CLIC6: variants seen among roughly 807,000 people sequenced by gnomAD.
CLIC6 encodes chloride intracellular channel protein 6.
A neutral mutation model predicts 49.2 loss-of-function variants in CLIC6; 39 were observed. That is an observed-to-expected ratio of 0.79 (90% CI 0.61 to 1.04). The LOEUF is 1.04. Ranked by LOEUF, CLIC6 falls within the 50% of genes least tolerant of loss-of-function variation. The pLI, the probability that CLIC6 is intolerant of heterozygous loss-of-function variation, is 0.00. For missense variants in CLIC6, 988 were observed against 993.1 expected, an observed-to-expected ratio of 0.99 and a Z score of 0.07; for synonymous variants, 446 against 433.4, an observed-to-expected ratio of 1.03 and a Z score of -0.36.
chr21:34,670,422 C>T lies in CLIC6; in HGVS notation c.1034C>T (p.Ala345Val). 3 of 1,459,550 alleles carry T rather than the reference C, an allele frequency of 2.1e-6. No individual in the cohort carries two copies. The highest frequency in any genetic ancestry group is 2.3e-4 in the Middle Eastern group (1 of 4,432). The allele number at this position is 1,459,550 out of a possible 1,614,324, so 90.4% of individuals were successfully genotyped here. A position where few individuals can be genotyped will look rare whatever the true frequency, so the allele number is the denominator to read the frequency against. Residue 345 changes from alanine (A) to valine (V), a missense_variant, in exon 1 of 6, where the codon GCG becomes GTG. Coordinates refer to ENST00000349499, the MANE Select transcript of CLIC6 (RefSeq NM_053277.3). ...CCGGGGGTAAAGGGGTCCGAAGAAG[C>T]GGCCCCCGGGGACGCAAGGGCAGAC... is the stretch of plus-strand genomic sequence containing the variant. ...EVPGVKGSEE[A>V]APGDARADAG...
chr21:34,676,583 CA>C (rs1406969582), intron 1 of CLIC6, among the ~76,000 whole-genome samples: 22 of 152,194 alleles, frequency 1.4e-4, no homozygotes, highest in Admixed American at 5.2e-4. Flanking sequence ...TGACACATAA[CA>C]GCCAGCCAGT....
chr21:34,710,348 C>T (rs1375157446), intron 5 of CLIC6, among the ~76,000 whole-genome samples: 1 of 152,172 alleles, frequency 6.6e-6, no homozygotes, highest in Non-Finnish European at 1.5e-5. Context: ...CAGGAAGCAG[C>T]TGGCAGCTTT....
In CLIC6 at chr21:34,670,644, A is replaced by T. The variant is rs1036792387; in HGVS notation, c.1256A>T (p.Glu419Val). 6.4e-7 allele frequency: 1 copy of T among 1,557,516 alleles called. No homozygotes were observed. The highest frequency in any genetic ancestry group is 8.7e-7 in the Non-Finnish European group (1 of 1,153,796). Residue 419 changes from glutamate (E) to valine (V), a missense_variant, in exon 1 of 6, where the codon GAG becomes GTG. By Grantham distance (121) the Glu-to-Val change is moderately radical (BLOSUM62 -2). Transcript: ENST00000349499. ...GCCCAGCTCAGCAACCACCTGGCCG[A>T]GGAGGGCCCCGCCGAGGGTAGCGGC... ...PEAQLSNHLA[E>V]EGPAEGSGEA...
intron 1 of CLIC6, among the ~76,000 whole-genome samples, chr21:34,688,586 C>T (rs1416246531): frequency 1.3e-5 from 2 of 152,208 alleles, no homozygotes; most frequent in African/African-American, 4.8e-5. Context: ...CATCTTGCGC[C>T]TAACCAAGAG....
In CLIC6 at chr21:34,694,929, G is replaced by T. The variant is rs190246071; in HGVS notation, c.1375-12351G>T. Among the ~76,000 whole-genome samples, 781 of 152,352 alleles carry T rather than the reference G, an allele frequency of 5.1e-3. 3 individuals carry two copies. The highest frequency in any genetic ancestry group is 7.1e-3 in the Non-Finnish European group (481 of 68,038). On this transcript the variant is annotated intron_variant, in intron 1 of 5. Transcript: ENST00000349499. Reference sequence around the variant, plus strand: ...GGGTTTCCTCCCTCTGCAAGTTGATGAGTAGTTGACCTGCTGAACTGTGCT... The same window carrying T: ...GGGTTTCCTCCCTCTGCAAGTTGATTAGTAGTTGACCTGCTGAACTGTGCT...
At chr21:34,704,703 G>A (rs112892552) in intron 1 of CLIC6, among the ~76,000 whole-genome samples, 1,550 of 152,322 alleles carry the variant, frequency 0.01, 29 homozygotes, top group African/African-American at 0.035. Flanking sequence ...TGAGTTGGCT[G>A]ACTAAGGCAG....
Position 34,679,685 on chromosome 21 carries a change from G to T in CLIC6, c.1374+8923G>T, listed in dbSNP as rs192625652. The stretch of plus-strand genomic sequence containing the variant: ...TTGGGTAAATACACCCACTCCAAGT[G>T]GGAGAAGTTGGCCAAAACAGAGGGG... On this transcript the variant is annotated intron_variant, in intron 1 of 5. Transcript: ENST00000349499. 7.9e-4 allele frequency among the ~76,000 whole-genome samples: 121 copies of T among 152,346 alleles called. 2 individuals carry two copies. Among genetic ancestry groups the T allele is most frequent in the African/African-American group, 2.6e-3 (109 of 41,566 alleles).
chr21:34,673,577 C>T (rs1989609801), intron 1 of CLIC6, among the ~76,000 whole-genome samples: 1 of 152,188 alleles, frequency 6.6e-6, no homozygotes, highest in African/African-American at 2.4e-5. Flanking sequence ...AGGCTTGAGC[C>T]ACCACACCTG....
chr21:34,699,686 T>C (rs1319918483), intron 1 of CLIC6, among the ~76,000 whole-genome samples: 2 of 152,200 alleles, frequency 1.3e-5, no homozygotes, highest in Non-Finnish European at 2.9e-5. Flanking sequence ...TGAAGCAGCA[T>C]CGTTCGTAAT....
chr21:34,670,912 G>A, intron 1 of CLIC6, 150 bp downstream of exon 1: 1 of 932,048 alleles, frequency 1.1e-6, no homozygotes, highest in Non-Finnish European at 1.5e-6. Flanking sequence ...AGGCGGGACA[G>A]CCGGGATTTC....
chr21:34,697,684 C>T (rs909540468), intron 1 of CLIC6, among the ~76,000 whole-genome samples: 31 of 152,288 alleles, frequency 2.0e-4, no homozygotes, highest in Middle Eastern at 3.4e-3. Context: ...GTGGGATTTT[C>T]AGTTTTAAAA....
intron 1 of CLIC6, among the ~76,000 whole-genome samples, chr21:34,681,384 G>A (rs971215096): frequency 6.6e-6 from 1 of 152,198 alleles, no homozygotes; most frequent in Admixed American, 6.5e-5. Context: ...AGATTTAGGT[G>A]GGAACACAGA....
intron 1 of CLIC6, among the ~76,000 whole-genome samples, chr21:34,705,024 T>C (rs2056004952): frequency 6.6e-6 from 1 of 152,018 alleles, no homozygotes; most frequent in Non-Finnish European, 1.5e-5. Context: ...CACAGTGAGT[T>C]ATAAGAGGGT....
At chr21:34,673,773 C>T (rs1444864251) in intron 1 of CLIC6, among the ~76,000 whole-genome samples, 1 of 152,176 alleles carries the variant, frequency 6.6e-6, no homozygotes, top group Non-Finnish European at 1.5e-5. Flanking sequence ...CCTTTAGACT[C>T]ATATTTTCTG....
At chr21:34,688,392 C>A (rs112814796) in intron 1 of CLIC6, among the ~76,000 whole-genome samples, 1 of 152,150 alleles carries the variant, frequency 6.6e-6, no homozygotes, top group Non-Finnish European at 1.5e-5. Flanking sequence ...AGACAAAAGA[C>A]GGAGAACGAC....
In CLIC6 at chr21:34,670,450, T is replaced by C. The variant is rs61739915; in HGVS notation, c.1062T>C (p.Ala354=). 4,676 of 1,469,146 alleles carry C rather than the reference T, an allele frequency of 3.2e-3. 140 individuals carry two copies. In the African/African-American group the frequency reaches 0.059, roughly 19 times the overall value. The allele number at this position is 1,469,146 out of a possible 1,614,324, so 91.0% of individuals were successfully genotyped here. The change falls in exon 1 of 6, where the codon GCT becomes GCC. Residue 354 remains alanine, a synonymous_variant. Transcript: ENST00000349499. ...EAAPGDARAD[A]GEDRVGDGPQ... is the part of the protein sequence containing the mutation. ...CCCCCGGGGACGCAAGGGCAGACGC[T>C]GGCGAGGACAGGGTAGGGGATGGGC...
intron 1 of CLIC6, among the ~76,000 whole-genome samples, chr21:34,705,769 T>C (rs2056010071): frequency 6.6e-6 from 1 of 152,122 alleles, no homozygotes; most frequent in South Asian, 2.1e-4. Context: ...TTCTTATCAA[T>C]GGATCATCCA....
chr21:34,675,728 C>T (rs1211678934), intron 1 of CLIC6, among the ~76,000 whole-genome samples: 1 of 152,122 alleles, frequency 6.6e-6, no homozygotes, highest in Non-Finnish European at 1.5e-5. Flanking sequence ...ATCGTCATTG[C>T]CTCTCGGTTC....
intron 1 of CLIC6, among the ~76,000 whole-genome samples, chr21:34,698,368 GA>G (rs1990126720): frequency 6.6e-6 from 1 of 151,960 alleles, no homozygotes; most frequent in African/African-American, 2.4e-5. Flanking sequence ...AGGAAGGAAG[GA>G]AGGACAGAAG....
Sources: allele counts gnomAD v4.1 joint callset (sites outside exome capture counted in the v4.1 genomes callset), GRCh38; gene constraint gnomAD v4.1.1; transcripts MANE v1.5; gene names NCBI Gene and HGNC (gene_info 2026-07-23, HGNC 2026-07-21).